The following TDRD5 variants were observed in gnomAD, a reference collection of about 807,000 sequenced individuals.
TDRD5 encodes tudor domain containing 5, also known as tudor domain-containing protein 5.
Under a neutral mutation model 120.6 loss-of-function variants are expected in TDRD5, and 41 were observed. The observed-to-expected ratio is 0.34, with a 90% CI of 0.26 to 0.44. The LOEUF is 0.44. TDRD5 is among the 20% of genes least tolerant of loss of function. The probability of loss-of-function intolerance (pLI) is 1.00; values close to 1 mark genes in which losing one functional copy is unlikely to be tolerated. For synonymous variants in TDRD5, 430 were observed against 433.7 expected, an observed-to-expected ratio of 0.99 and a Z score of 0.11; for missense variants, 1,006 against 1,221.2, an observed-to-expected ratio of 0.82 and a Z score of 2.63.
At chr1:179,631,546 T>C (rs1410414777) in intron 7 of TDRD5, among the ~76,000 whole-genome samples, 1 of 152,216 alleles carries the variant, frequency 6.6e-6, no homozygotes, top group Non-Finnish European at 1.5e-5. Context: ...GCAGAATAAA[T>C]GGGTGTGCGT....
chr1:179,630,547 A>G (rs1677378016), intron 6 of TDRD5, among the ~76,000 whole-genome samples: 1 of 152,184 alleles, frequency 6.6e-6, no homozygotes, highest in African/African-American at 2.4e-5. Flanking sequence ...TTAGTTTACC[A>G]CATGCTTTAA....
At chr1:179,619,440 C>T (rs1395604150) in intron 5 of TDRD5, among the ~76,000 whole-genome samples, 1 of 152,076 alleles carries the variant, frequency 6.6e-6, no homozygotes, top group African/African-American at 2.4e-5. Flanking sequence ...TTTGTGGGAG[C>T]TGTTAATCCT....
At chr1:179,690,216 G>GC (rs1010835229) in intron 17 of TDRD5, among the ~76,000 whole-genome samples, 2 of 152,074 alleles carry the variant, frequency 1.3e-5, no homozygotes, top group Non-Finnish European at 2.9e-5. Context: ...TTATTTTATG[G>GC]CTGATAACTG....
chr1:179,612,489 G>A (rs542583293), intron 4 of TDRD5, among the ~76,000 whole-genome samples: 2 of 152,286 alleles, frequency 1.3e-5, no homozygotes, highest in Admixed American at 6.5e-5. Flanking sequence ...GCTGTGTCCA[G>A]CCCAGGTCAT....
Position 179,659,304 on chromosome 1 carries a change from T to C in TDRD5, c.2323-2800T>C, listed in dbSNP as rs1016362036. Among the ~76,000 whole-genome samples, 4 of 152,222 alleles carry C rather than the reference T, an allele frequency of 2.6e-5. No homozygotes were observed. In the South Asian group the frequency reaches 8.3e-4, roughly 31 times the overall value. On this transcript the variant is annotated intron_variant, in intron 14 of 17. Coordinates refer to ENST00000444136, the MANE Select transcript of TDRD5 (RefSeq NM_001199085.3). The stretch of plus-strand genomic sequence containing the variant: ...TGATCCTTGCTATCTACCGATTTTG[T>C]TGATTACTGAGAAGAACACTGAAGT...
At chr1:179,625,205 TA>T (rs1472898961) in intron 6 of TDRD5, among the ~76,000 whole-genome samples, 6 of 150,684 alleles carry the variant, frequency 4.0e-5, no homozygotes, top group Non-Finnish European at 8.9e-5. Context: ...ATCATAGACC[TA>T]AATGAAAAAA....
chr1:179,612,986 C>T (rs35097492), intron 4 of TDRD5, among the ~76,000 whole-genome samples: 27,922 of 151,450 alleles, frequency 0.18, 3,356 homozygotes, highest in Non-Finnish European at 0.26. Flanking sequence ...TTCCCTGCCC[C>T]CTCTGTCTTA....
At chr1:179,640,292 T>TA (rs1168280298) in intron 10 of TDRD5, 87 bp from the exon 11 acceptor site, 1 of 1,449,504 alleles carries the variant, frequency 6.9e-7, no homozygotes, top group Middle Eastern at 1.7e-4. Flanking sequence ...AGTCTCTTAT[T>TA]AAGAAAGTGA....
intron 11 of TDRD5, among the ~76,000 whole-genome samples, chr1:179,645,468 C>G (rs962676674): frequency 6.6e-6 from 1 of 152,186 alleles, no homozygotes; most frequent in African/African-American, 2.4e-5. Context: ...TAGATAGTAT[C>G]CGTCAGCCCT....
rs114069130 is a variant in TDRD5 at position 179,655,777 on chromosome 1, G to C, written c.2322+1415G>C. Among the ~76,000 whole-genome samples, 1,179 of 152,212 alleles carry C rather than the reference G, an allele frequency of 7.7e-3. 11 individuals are homozygous for C. The highest frequency in any genetic ancestry group is 0.013 in the Non-Finnish European group (903 of 68,012). The stretch of plus-strand genomic sequence containing the variant: ...ACCTTTGAGATTCATCCATGCTCTT[G>C]CATGTATCAATAATATGTTCTTTTC... On this transcript the variant is annotated intron_variant, in intron 14 of 17. Coordinates refer to ENST00000444136, the MANE Select transcript of TDRD5 (RefSeq NM_001199085.3).
intron 13 of TDRD5, among the ~76,000 whole-genome samples, chr1:179,653,724 G>A (rs570072085): frequency 2.8e-4 from 42 of 152,156 alleles, no homozygotes; most frequent in African/African-American, 8.7e-4. Context: ...TTCCACCCTA[G>A]TCTGTACTTT....
chr1:179,651,000 T>C lies in TDRD5; in HGVS notation c.1934T>C (p.Val645Ala). Residue 645 changes from valine (V) to alanine (A), a missense_variant, in exon 12 of 18, where the codon GTC (valine) becomes GCC (alanine). This residue lies in a region of TDRD5 where 158 missense variants were observed against 257.5 expected (regional missense o/e 0.61). Transcript: ENST00000444136. ...FLCDTSSNEDVYFHHVLRTEG... is the reference protein window; with the variant it reads ...FLCDTSSNEDAYFHHVLRTEG... ...TGTGACACATCCTCAAACGAAGATG[T>C]CTATTTCCATCATGTCTTGAGAACA... 1 of 1,614,184 alleles carries C rather than the reference T, an allele frequency of 6.2e-7. No homozygotes were observed. The highest frequency in any genetic ancestry group is 8.5e-7 in the Non-Finnish European group (1 of 1,180,028).
intron 7 of TDRD5, among the ~76,000 whole-genome samples, chr1:179,632,836 A>G (rs894243204): frequency 1.3e-5 from 2 of 152,222 alleles, no homozygotes; most frequent in Non-Finnish European, 2.9e-5. Flanking sequence ...TAGACAATAC[A>G]TTTAATATAC....
chr1:179,617,678 C>T (rs530602913), intron 4 of TDRD5, among the ~76,000 whole-genome samples: 3 of 152,028 alleles, frequency 2.0e-5, no homozygotes, highest in Non-Finnish European at 4.4e-5. Flanking sequence ...CAAAACTCTA[C>T]AATCTTTCAC....
chr1:179,648,259 A>G (rs1232865127), intron 11 of TDRD5, among the ~76,000 whole-genome samples: 2 of 146,644 alleles, frequency 1.4e-5, no homozygotes, highest in South Asian at 4.6e-4. Context: ...ATGGAATACT[A>G]TGCAGCCATA....
Position 179,690,721 on chromosome 1 carries a change from G to A in TDRD5, c.2886G>A (p.Lys962=), listed in dbSNP as rs1015418747. ...GSVESSPEIL[K]NEDFSSSRAI... Reference sequence around the variant, plus strand: ...TGGAAAGCTCACCAGAGATCCTAAAGAATGAAGATTTTTCTAGCAGCCGTG... The same window carrying A: ...TGGAAAGCTCACCAGAGATCCTAAAAAATGAAGATTTTTCTAGCAGCCGTG... Residue 962 remains lysine (K), a synonymous_variant, in exon 18 of 18, where the codon AAG becomes AAA. Coordinates refer to ENST00000444136, the MANE Select transcript of TDRD5 (RefSeq NM_001199085.3). 1.2e-6 allele frequency: 2 copies of A among 1,613,964 alleles called. No individual in the cohort carries two copies. Among genetic ancestry groups the A allele is most frequent in the Non-Finnish European group, 1.7e-6 (2 of 1,179,940 alleles).
Position 179,654,364 on chromosome 1 carries a change from TAGG to T in TDRD5, c.2322+5_2322+7del, listed in dbSNP as rs1314319628. The T allele has an allele frequency of 9.8e-6, 15 of 1,524,518 alleles. No individual in the cohort carries two copies. In the African/African-American group the frequency reaches 2.0e-4, roughly 20 times the overall value. The allele number at this position is 1,524,518 out of a possible 1,614,324, so 94.4% of individuals were successfully genotyped here. On this transcript the variant is annotated splice_donor_5th_base_variant and intron_variant, in intron 14 of 17. Transcript: ENST00000444136. ...AACGATCTGAAGGAAGAAAATGAGG[TAGG>T]AGAAGGAAAGATAGTCTTTGAATAT...
At chr1:179,667,510 G>A (rs929517044) in intron 16 of TDRD5, among the ~76,000 whole-genome samples, 1 of 152,142 alleles carries the variant, frequency 6.6e-6, no homozygotes, top group African/African-American at 2.4e-5. Context: ...TGTGCCCTGA[G>A]CTTGTCCACC....
Position 179,640,923 on chromosome 1 carries a change from G to A in TDRD5, c.1800+478G>A, listed in dbSNP as rs78428823. Among the ~76,000 whole-genome samples the A allele has an allele frequency of 6.2e-4, 94 of 152,260 alleles. 1 individual carries two copies. In the East Asian group the frequency reaches 0.013, roughly 21 times the overall value. Reference sequence around the variant, plus strand: ...CACGTTTAGAAGACTGAACATTGTCGTCCTTTAGAGGCTGGGGAGCAATTA... The same window carrying A: ...CACGTTTAGAAGACTGAACATTGTCATCCTTTAGAGGCTGGGGAGCAATTA... On this transcript the variant is annotated intron_variant, in intron 11 of 17. Coordinates refer to ENST00000444136, the MANE Select transcript of TDRD5 (RefSeq NM_001199085.3).
Sources: allele counts gnomAD v4.1 joint callset (sites outside exome capture counted in the v4.1 genomes callset), GRCh38; gene constraint gnomAD v4.1.1; regional missense constraint gnomAD v4.1.1; transcripts MANE v1.5; gene names NCBI Gene and HGNC (gene_info 2026-07-23, HGNC 2026-07-21).